The following CDH23 variants were observed in gnomAD, a reference collection of about 807,000 sequenced individuals.
CDH23 encodes cadherin-23.
A neutral mutation model predicts 317.1 loss-of-function variants in CDH23; 189 were observed. That is an observed-to-expected ratio of 0.60 (90% CI 0.53 to 0.67). CDH23 has a LOEUF of 0.67. CDH23 is among the 30% of genes least tolerant of loss of function. CDH23 has a pLI of 0.00. For synonymous variants in CDH23, 1,839 were observed against 1,876.8 expected, an observed-to-expected ratio of 0.98 and a Z score of 0.52; for missense variants, 4,401 against 4,592.4, an observed-to-expected ratio of 0.96 and a Z score of 1.20.
At position 71,793,421 on chromosome 10, in the gene CDH23, G is replaced by A. The variant is rs747445020; in HGVS notation, c.6493G>A (p.Asp2165Asn). The change falls in exon 48 of 70, where the codon GAT becomes AAT. Residue 2165 changes from aspartate to asparagine, a missense_variant. Physicochemically the swap from Asp to Asn is conservative, Grantham distance 23. Coordinates refer to ENST00000224721, the MANE Select transcript of CDH23 (RefSeq NM_022124.6). Reference sequence around the variant, plus strand: ...CACAGCCATTGTCACCATTCTGATCGATGACATCAATGACTCCCGCCCCGA... The same window carrying A: ...CACAGCCATTGTCACCATTCTGATCAATGACATCAATGACTCCCGCCCCGA... ...SGTAIVTILI[D>N]DINDSRPEFL... 33 of 1,613,862 alleles carry A rather than the reference G, an allele frequency of 2.0e-5. No homozygotes were observed. The highest frequency in any genetic ancestry group is 2.5e-5 in the Non-Finnish European group (30 of 1,179,894).
At chr10:71,510,838 G>A in intron 4 of CDH23, 116 bp from the exon 5 acceptor site, 1 of 970,170 alleles carries the variant, frequency 1.0e-6, no homozygotes, top group Non-Finnish European at 1.6e-6. Context: ...TTGGGTGCCT[G>A]GTTCCAGGCA....
chr10:71,654,010 T>G (rs1374040467), intron 14 of CDH23, among the ~76,000 whole-genome samples: 1 of 152,144 alleles, frequency 6.6e-6, no homozygotes, highest in African/African-American at 2.4e-5. Context: ...TCTCAGTTGG[T>G]GCGTTGGTTG....
At chr10:71,792,852 AATAT>A (rs1554874675) in intron 47 of CDH23, among the ~76,000 whole-genome samples, 902 of 38,362 alleles carry the variant, frequency 0.024, 27 homozygotes, top group Middle Eastern at 0.06. Flanking sequence ...AAAAAAAAAA[AATAT>A]ATATATATAT....
intron 1 of CDH23, among the ~76,000 whole-genome samples, chr10:71,405,431 TC>T (rs1848050685): frequency 6.9e-6 from 1 of 144,240 alleles, no homozygotes; most frequent in African/African-American, 2.7e-5. Flanking sequence ...GGGTAGACTA[TC>T]TTTTTTTTTT....
chr10:71,807,612 T>A lies in CDH23; in HGVS notation c.8405T>A (p.Ile2802Asn), dbSNP rs2132989065. 6.2e-7 allele frequency: 1 copy of A among 1,613,968 alleles called. No homozygotes were observed. Among genetic ancestry groups the A allele is most frequent in the Non-Finnish European group, 8.5e-7 (1 of 1,179,882 alleles). Residue 2802 changes from isoleucine (I) to asparagine (N), a missense_variant, in exon 59 of 70, where the codon ATC (isoleucine) becomes AAC (asparagine). Transcript: ENST00000224721. ...GAGCGAGAAGCCATCTTCTCCTTCA[T>A]CGTCAAGGCCTCCAGCAATCGCAGC... ...DREREAIFSF[I>N]VKASSNRSWT...
At chr10:71,442,076 A>C (rs750230490) in intron 2 of CDH23, among the ~76,000 whole-genome samples, 10 of 152,250 alleles carry the variant, frequency 6.6e-5, no homozygotes, top group Non-Finnish European at 1.2e-4. Context: ...GCACAGATGA[A>C]GTGCTTATTA....
intron 6 of CDH23, among the ~76,000 whole-genome samples, chr10:71,531,477 A>C (rs1473468360): frequency 3.9e-5 from 6 of 152,200 alleles, no homozygotes. Flanking sequence ...AAATATATGC[A>C]GTTGAAATGT....
intron 3 of CDH23, among the ~76,000 whole-genome samples, chr10:71,477,232 G>A (rs548086085): frequency 2.0e-5 from 3 of 152,230 alleles, no homozygotes; most frequent in Non-Finnish European, 2.9e-5. Flanking sequence ...GCATTGGCGC[G>A]ATCTCTGCTT....
chr10:71,659,050 T>C (rs1353810745), intron 14 of CDH23, among the ~76,000 whole-genome samples: 1 of 152,188 alleles, frequency 6.6e-6, no homozygotes, highest in Non-Finnish European at 1.5e-5. Context: ...GACAGTCACC[T>C]CCAGCACAGA....
chr10:71,460,324 C>T (rs1251016211), intron 3 of CDH23, among the ~76,000 whole-genome samples: 1 of 152,250 alleles, frequency 6.6e-6, no homozygotes, highest in Non-Finnish European at 1.5e-5. Flanking sequence ...CCCCTCTGGC[C>T]GTGTGCCCTT....
In CDH23 at chr10:71,812,459, CTTTT is replaced by C; in HGVS notation, c.9381-20_9381-17del. 6.2e-7 allele frequency: 1 copy of C among 1,612,386 alleles called. No homozygotes were observed. Among genetic ancestry groups the C allele is most frequent in the Non-Finnish European group, 8.5e-7 (1 of 1,179,076 alleles). ...CTCGAGCCTTCCCTCCCTCCCCACC[CTTTT>C]CCCTCCCCAACTGCAGAGCCAACCC... is the stretch of plus-strand genomic sequence containing the variant. On this transcript the variant is annotated splice_polypyrimidine_tract_variant and intron_variant, in intron 66 of 69. Coordinates refer to ENST00000224721, the MANE Select transcript of CDH23 (RefSeq NM_022124.6).
chr10:71,571,937 T>C (rs1008301880), intron 8 of CDH23, among the ~76,000 whole-genome samples: 2 of 152,224 alleles, frequency 1.3e-5, no homozygotes, highest in African/African-American at 4.8e-5. Flanking sequence ...GTGCAGGCTG[T>C]GCTCCTGGGC....
At chr10:71,705,821 T>C (rs1865767857) in intron 25 of CDH23, among the ~76,000 whole-genome samples, 1 of 151,936 alleles carries the variant, frequency 6.6e-6, no homozygotes, top group Non-Finnish European at 1.5e-5. Flanking sequence ...CATGGCCTGT[T>C]CCCTGAGCCT....
chr10:71,730,294 G>A (rs1839326900), intron 30 of CDH23, among the ~76,000 whole-genome samples, 175 bp from the exon 31 acceptor site: 1 of 152,204 alleles, frequency 6.6e-6, no homozygotes, highest in Non-Finnish European at 1.5e-5. Flanking sequence ...CACGCGCCAG[G>A]TGCTGTGCAA....
intron 41 of CDH23, among the ~76,000 whole-genome samples, chr10:71,780,138 C>A (rs1410867870): frequency 6.6e-6 from 1 of 152,202 alleles, no homozygotes; most frequent in Non-Finnish European, 1.5e-5. Context: ...AAGCAGAAAT[C>A]CAAATCTTTG....
rs1218925014 is a variant in CDH23, at chr10:71,734,642, G to C, written c.4207-14G>C. 4.7e-6 allele frequency: 7 copies of C among 1,494,446 alleles called. No homozygotes were observed. Among genetic ancestry groups the C allele is most frequent in the Non-Finnish European group, 5.4e-6 (6 of 1,103,510 alleles). The allele number at this position is 1,494,446 out of a possible 1,614,324, so 92.6% of individuals were successfully genotyped here. ...TTTCTCTCACTCCCCTCCTGCTGCT[G>C]CCTCTGCCTACAGAAGGTGAGTAGC... On this transcript the variant is annotated splice_polypyrimidine_tract_variant and intron_variant, in intron 33 of 69. Coordinates refer to ENST00000224721, the MANE Select transcript of CDH23 (RefSeq NM_022124.6).
intron 11 of CDH23, chr10:71,635,133 T>C (rs1862201443): frequency 6.6e-6 from 1 of 152,554 alleles, no homozygotes; most frequent in East Asian, 1.9e-4. Context: ...ATTCCCATAG[T>C]GCACTGGGTC....
At chr10:71,624,278 A>C (rs774450548) in intron 11 of CDH23, among the ~76,000 whole-genome samples, 64 of 152,278 alleles carry the variant, frequency 4.2e-4, no homozygotes, top group Non-Finnish European at 9.1e-4. Context: ...GTATTTGTGT[A>C]TTCAAAACCC....
At chr10:71,772,946 G>C (rs1564786504) in intron 38 of CDH23, among the ~76,000 whole-genome samples, 1 of 152,218 alleles carries the variant, frequency 6.6e-6, no homozygotes, top group Admixed American at 6.5e-5. Flanking sequence ...TGCAACACTA[G>C]AGCCCTGAGA....
Sources: allele counts gnomAD v4.1 joint callset (sites outside exome capture counted in the v4.1 genomes callset), GRCh38; gene constraint gnomAD v4.1.1; transcripts MANE v1.5; gene names NCBI Gene and HGNC (gene_info 2026-07-23, HGNC 2026-07-21).